APBB1IP: variants seen among roughly 807,000 people sequenced by gnomAD.
APBB1IP encodes the protein amyloid beta A4 precursor protein-binding family B member 1-interacting protein.
Under a neutral mutation model 64.9 loss-of-function variants are expected in APBB1IP, and 27 were observed. That is an observed-to-expected ratio of 0.42 (90% CI 0.31 to 0.57). APBB1IP has a LOEUF of 0.57. APBB1IP is among the 20% of genes least tolerant of loss of function. The probability of loss-of-function intolerance (pLI) is 0.20; values close to 1 mark genes in which losing one functional copy is unlikely to be tolerated. For synonymous variants in APBB1IP, 392 were observed against 331.0 expected (o/e 1.18, Z -2.00); for missense variants, 812 against 845.5 (o/e 0.96, Z 0.49).
chr10:26,495,828 T>C (rs1836014549), intron 3 of APBB1IP, among the ~76,000 whole-genome samples: 2 of 149,280 alleles, frequency 1.3e-5, no homozygotes, highest in South Asian at 4.2e-4. Context: ...ACAGCTTTTC[T>C]TCTCCAAGTA....
chr10:26,459,392 T>A (rs1394417235), intron 2 of APBB1IP, among the ~76,000 whole-genome samples: 1 of 152,156 alleles, frequency 6.6e-6, no homozygotes, highest in Non-Finnish European at 1.5e-5. Flanking sequence ...AGTGCCGCAA[T>A]AAACATACGT....
At position 26,567,381 on chromosome 10, in the gene APBB1IP, A is replaced by G. The variant is rs772363392; in HGVS notation, c.1894A>G (p.Lys632Glu). 11 of 1,580,226 alleles carry G rather than the reference A, an allele frequency of 7.0e-6. No individual in the cohort carries two copies. Among genetic ancestry groups the G allele is most frequent in the Middle Eastern group, 3.4e-4 (2 of 5,858 alleles). Residue 632 changes from lysine to glutamate, a missense_variant, in exon 15 of 15, where the codon AAG becomes GAG. Around this residue, in one of 3 missense-constraint regions of APBB1IP, gnomAD observed 381 missense variants for 352.1 expected, o/e 1.08. Transcript: ENST00000376236. ...GGCCAAGAGGCCTCCTGTGCCCCCCAAGAGGCAAGAGAACCCAGGGCACCC... is the reference window on the plus strand; with the variant it reads ...GGCCAAGAGGCCTCCTGTGCCCCCCGAGAGGCAAGAGAACCCAGGGCACCC... ...AVAKRPPVPP[K>E]RQENPGHPGG...
At chr10:26,521,131 C>T (rs1287525963) in intron 8 of APBB1IP, among the ~76,000 whole-genome samples, 2 of 152,188 alleles carry the variant, frequency 1.3e-5, no homozygotes, top group African/African-American at 4.8e-5. Context: ...TTGAAAGTAA[C>T]TTATCAGCTT....
chr10:26,545,231 A>C (rs1166011601), intron 11 of APBB1IP, among the ~76,000 whole-genome samples: 1 of 152,254 alleles, frequency 6.6e-6, no homozygotes, highest in African/African-American at 2.4e-5. Flanking sequence ...TTTTAAAAAA[A>C]TAAAAACTCT....
intron 8 of APBB1IP, among the ~76,000 whole-genome samples, chr10:26,519,412 G>A (rs1836374680): frequency 6.6e-6 from 1 of 152,204 alleles, no homozygotes; most frequent in African/African-American, 2.4e-5. Context: ...GAGGGTAAAG[G>A]GGAAGGAGAG....
chr10:26,530,326 T>C (rs1836534699), intron 8 of APBB1IP, among the ~76,000 whole-genome samples: 1 of 149,192 alleles, frequency 6.7e-6, no homozygotes, highest in Non-Finnish European at 1.5e-5. Flanking sequence ...GCCTCTGGAG[T>C]AGCTGGGACT....
chr10:26,545,626 A>G (rs965808191), intron 11 of APBB1IP, among the ~76,000 whole-genome samples: 98 of 152,086 alleles, frequency 6.4e-4, no homozygotes, highest in African/African-American at 1.8e-3. Context: ...CGGGCGTGGT[A>G]GCGGGCGCCT....
chr10:26,558,060 G>T (rs1440431623), intron 11 of APBB1IP, among the ~76,000 whole-genome samples: 1 of 151,634 alleles, frequency 6.6e-6, no homozygotes, highest in African/African-American at 2.4e-5. Context: ...AGCAAATGAG[G>T]ATTATCCTAG....
intron 11 of APBB1IP, among the ~76,000 whole-genome samples, chr10:26,546,174 A>T (rs1359633087): frequency 2.0e-5 from 3 of 152,242 alleles, no homozygotes; most frequent in Non-Finnish European, 4.4e-5. Flanking sequence ...TCTTTTGATA[A>T]TTAAATATGA....
At position 26,488,860 on chromosome 10, in the gene APBB1IP, G is replaced by C. The variant is rs79545788; in HGVS notation, c.1-3467G>C. 8.2e-4 allele frequency among the ~76,000 whole-genome samples: 125 copies of C among 152,222 alleles called. 4 individuals carry two copies. In the East Asian group the frequency reaches 0.018, roughly 22 times the overall value. Reference sequence around the variant, plus strand: ...ACCTGGGTGCTCACCTGCCTGCTTTGTGTGGTCTGACCCTTAGCATTCACT... The same window carrying C: ...ACCTGGGTGCTCACCTGCCTGCTTTCTGTGGTCTGACCCTTAGCATTCACT... On this transcript the variant is annotated intron_variant, in intron 2 of 14. Coordinates refer to ENST00000376236, the MANE Select transcript of APBB1IP (RefSeq NM_019043.4).
intron 12 of APBB1IP, 54 bp downstream of exon 12, chr10:26,560,257 A>C: frequency 6.6e-7 from 1 of 1,505,022 alleles, no homozygotes; most frequent in Non-Finnish European, 9.3e-7. Flanking sequence ...CAACTTCCTG[A>C]CCTGGGCACA....
In APBB1IP at chr10:26,456,171, G is replaced by A. The variant is rs528209060; in HGVS notation, c.-1+17318G>A. Among the ~76,000 whole-genome samples the A allele has an allele frequency of 7.9e-5, 12 of 152,310 alleles. No homozygotes were observed. In the South Asian group the frequency reaches 2.5e-3, roughly 32 times the overall value. ...CTAAAATTAGATTGTGGTGATGGTTGCACAACCCTGTGAATATGCCAGAAC... is the reference window on the plus strand; with the variant it reads ...CTAAAATTAGATTGTGGTGATGGTTACACAACCCTGTGAATATGCCAGAAC... On this transcript the variant is annotated intron_variant, in intron 2 of 14. Coordinates refer to ENST00000376236, the MANE Select transcript of APBB1IP (RefSeq NM_019043.4).
intron 2 of APBB1IP, among the ~76,000 whole-genome samples, chr10:26,439,984 C>A (rs1375165027): frequency 6.6e-6 from 1 of 152,194 alleles, no homozygotes; most frequent in East Asian, 1.9e-4. Flanking sequence ...TAGCAAGGAT[C>A]TGCTGAGAAA....
At position 26,558,656 on chromosome 10, in the gene APBB1IP, G is replaced by T. The variant is rs537213053; in HGVS notation, c.1156-1449G>T. Among the ~76,000 whole-genome samples the T allele has an allele frequency of 3.3e-5, 5 of 151,602 alleles. No homozygotes were observed. The East Asian group carries it at 5.8e-4, about 18-fold the overall frequency. On this transcript the variant is annotated intron_variant, in intron 11 of 14. Transcript: ENST00000376236. ...AAGCCAAGCATGGATGCATGTTTGT[G>T]GTCCCAGCGACAGAGGAGGCTGAGG...
intron 11 of APBB1IP, among the ~76,000 whole-genome samples, chr10:26,558,950 G>A (rs1350365092): frequency 6.6e-6 from 1 of 152,174 alleles, no homozygotes; most frequent in Non-Finnish European, 1.5e-5. Context: ...GTAATAGACA[G>A]AAATATTCCT....
intron 2 of APBB1IP, among the ~76,000 whole-genome samples, chr10:26,445,635 G>A (rs897789424): frequency 4.6e-5 from 7 of 152,318 alleles, no homozygotes; most frequent in East Asian, 3.9e-4. Context: ...AAGATTCTGC[G>A]GAAGTTAGGA....
chr10:26,444,303 A>C (rs1835368705), intron 2 of APBB1IP, among the ~76,000 whole-genome samples: 1 of 152,176 alleles, frequency 6.6e-6, no homozygotes, highest in South Asian at 2.1e-4. Flanking sequence ...GGGGTTCCAG[A>C]GGCCATTATA....
chr10:26,506,250 T>TGGGGGGGGGG (rs60855722), intron 6 of APBB1IP, among the ~76,000 whole-genome samples: 1 of 62,392 alleles, frequency 1.6e-5, no homozygotes, highest in African/African-American at 6.9e-5. Flanking sequence ...CGTGTGTGTG[T>TGGGGGGGGGG]GGGGGGGGGG....
rs752386750 is a variant in APBB1IP, at chr10:26,567,355, T to TGGCCAAGAGGCCTCCTGTGCC, written c.1869_1889dup (p.Ala624_Pro630dup). 2.7e-6 allele frequency: 4 copies of TGGCCAAGAGGCCTCCTGTGCC among 1,492,974 alleles called. No individual in the cohort carries two copies. The highest frequency in any genetic ancestry group is 3.6e-6 in the Non-Finnish European group (4 of 1,112,212). The allele number at this position is 1,492,974 out of a possible 1,614,324, so 92.5% of individuals were successfully genotyped here. On this transcript the variant is annotated inframe_insertion, in exon 15 of 15. Transcript: ENST00000376236. ...GACTCCGCCAGGCCGCCCCCCGCGG[T>TGGCCAAGAGGCCTCCTGTGCC]GGCCAAGAGGCCTCCTGTGCCCCCC...
Sources: allele counts gnomAD v4.1 joint callset (sites outside exome capture counted in the v4.1 genomes callset), GRCh38; gene constraint gnomAD v4.1.1; regional missense constraint gnomAD v4.1.1; transcripts MANE v1.5; gene names NCBI Gene and HGNC (gene_info 2026-07-23, HGNC 2026-07-21).